KLHDC8A: variants seen among roughly 807,000 people sequenced by gnomAD.
KLHDC8A encodes kelch domain containing 8A.
A neutral mutation model predicts 33.1 loss-of-function variants in KLHDC8A; 21 were observed. The observed-to-expected ratio is 0.64, with a 90% CI of 0.45 to 0.91. KLHDC8A has a LOEUF of 0.91. Ranked by LOEUF, KLHDC8A falls within the 40% of genes least tolerant of loss-of-function variation. The pLI, the probability that KLHDC8A is intolerant of heterozygous loss-of-function variation, is 0.00. For synonymous variants in KLHDC8A, 173 were observed against 193.5 expected, an observed-to-expected ratio of 0.89 and a Z score of 0.88; for missense variants, 435 against 483.3, an observed-to-expected ratio of 0.90 and a Z score of 0.94.
intron 1 of KLHDC8A, among the ~76,000 whole-genome samples, chr1:205,351,913 C>G (rs1338208454): frequency 6.9e-6 from 1 of 144,138 alleles, no homozygotes; most frequent in African/African-American, 2.6e-5. Flanking sequence ...GGGCGAAACT[C>G]CGTCTCAAAA....
At chr1:205,340,734 CAA>C (rs1374394429) in intron 2 of KLHDC8A, among the ~76,000 whole-genome samples, 1 of 152,204 alleles carries the variant, frequency 6.6e-6, no homozygotes, top group African/African-American at 2.4e-5. Flanking sequence ...CTTGGCCTCC[CAA>C]AGTGTTGAGA....
intron 2 of KLHDC8A, among the ~76,000 whole-genome samples, chr1:205,342,870 G>A (rs575765464): frequency 3.9e-4 from 59 of 152,090 alleles, no homozygotes; most frequent in Non-Finnish European, 7.8e-4. Flanking sequence ...GAACATTCTG[G>A]TCTCCACTGA....
At position 205,339,201 on chromosome 1, in the gene KLHDC8A, C is replaced by A. The variant is rs764848075; in HGVS notation, c.750G>T (p.Met250Ile). Residue 250 changes from methionine (M) to isoleucine (I), a missense_variant, in exon 4 of 6, where the codon ATG (methionine) becomes ATT (isoleucine). Coordinates refer to ENST00000367155, the MANE Select transcript of KLHDC8A (RefSeq NM_018203.3). The surrounding 1 kb of genome is among the most constrained non-coding windows in gnomAD (Gnocchi z 5.1). ...GGAAGGTGACCAGCTCACCCTGTTC[C>A]ATGTCGAACACGTCCATCGTCCGCA... is the stretch of plus-strand genomic sequence containing the variant. The part of the protein sequence containing the change: ...KFLRTMDVFD[M>I]EQGGWLKMER... 6 of 1,613,850 alleles carry A rather than the reference C, an allele frequency of 3.7e-6. No individual in the cohort carries two copies. In the East Asian group the frequency reaches 1.3e-4, roughly 36 times the overall value.
intron 1 of KLHDC8A, chr1:205,351,565 A>G (rs1477620272): frequency 3.5e-6 from 2 of 576,566 alleles, no homozygotes; most frequent in Non-Finnish European, 6.3e-6. Context: ...GTACATTTTC[A>G]TATTAGACTT....
chr1:205,340,096 C>A (rs6593934), intron 2 of KLHDC8A, among the ~76,000 whole-genome samples: 8,430 of 152,072 alleles, frequency 0.055, 480 homozygotes, highest in African/African-American at 0.14. Context: ...TTCACTGCAA[C>A]CTTGACCTCC....
chr1:205,351,824 C>T (rs1663118875), intron 1 of KLHDC8A, among the ~76,000 whole-genome samples: 1 of 151,692 alleles, frequency 6.6e-6, no homozygotes, highest in South Asian at 2.1e-4. Context: ...GAGGCTGAGG[C>T]AGGAGAATCA....
chr1:205,350,504 A>G (rs750916729), intron 1 of KLHDC8A, among the ~76,000 whole-genome samples: 2 of 152,078 alleles, frequency 1.3e-5, no homozygotes, highest in Non-Finnish European at 2.9e-5. Flanking sequence ...CAAGTAGAGG[A>G]CAGCAGAGCC....
At chr1:205,341,059 C>T (rs1662775544) in intron 2 of KLHDC8A, among the ~76,000 whole-genome samples, 1 of 152,158 alleles carries the variant, frequency 6.6e-6, no homozygotes, top group Non-Finnish European at 1.5e-5. Context: ...CTTTAAGAAA[C>T]CCTGCCCAGG....
chr1:205,343,982 C>A (rs1450716662), intron 1 of KLHDC8A, among the ~76,000 whole-genome samples, 189 bp from the exon 2 acceptor site: 1 of 152,182 alleles, frequency 6.6e-6, no homozygotes, highest in Non-Finnish European at 1.5e-5. Context: ...TCGGACACTG[C>A]CGAAGCAAGC....
At chr1:205,350,560 A>AT (rs1558689698) in intron 1 of KLHDC8A, among the ~76,000 whole-genome samples, 1 of 152,116 alleles carries the variant, frequency 6.6e-6, no homozygotes, top group African/African-American at 2.4e-5. Flanking sequence ...TAGGCTGGGG[A>AT]AGGCTGCAGC....
intron 1 of KLHDC8A, among the ~76,000 whole-genome samples, chr1:205,345,300 G>C (rs1258972082): frequency 6.6e-6 from 1 of 152,178 alleles, no homozygotes; most frequent in Non-Finnish European, 1.5e-5. Flanking sequence ...TTAAACTAGA[G>C]TTTTAATTTT....
At position 205,339,395 on chromosome 1, in the gene KLHDC8A, T is replaced by G. The variant is rs1469719398; in HGVS notation, c.556A>C (p.Lys186Gln). 6.2e-7 allele frequency: 1 copy of G among 1,613,510 alleles called. No individual in the cohort carries two copies. Among genetic ancestry groups the G allele is most frequent in the African/African-American group, 1.3e-5 (1 of 74,938 alleles). ...ACCTCGAAAGCGTTGACCGCGTACTTGGACTGTCGTCCCCCTGGGGGCCAG... is the reference window on the plus strand; with the variant it reads ...ACCTCGAAAGCGTTGACCGCGTACTGGGACTGTCGTCCCCCTGGGGGCCAG... ...KIYVLGGRQS[K>Q]YAVNAFEVFD... The change falls in exon 4 of 6, where the codon AAG (lysine) becomes CAG (glutamine). Residue 186 changes from lysine (K) to glutamine (Q), a missense_variant. Transcript: ENST00000367155. The surrounding 1 kb of genome is among the most constrained non-coding windows in gnomAD (Gnocchi z 5.1).
intron 1 of KLHDC8A, among the ~76,000 whole-genome samples, chr1:205,347,185 C>G (rs988865237): frequency 1.3e-5 from 2 of 152,216 alleles, no homozygotes; most frequent in African/African-American, 2.4e-5. Flanking sequence ...GCAACTGCCA[C>G]TTAAGATTCC....
chr1:205,353,421 C>T (rs1271319340), intron 1 of KLHDC8A, among the ~76,000 whole-genome samples: 2 of 152,196 alleles, frequency 1.3e-5, no homozygotes, highest in African/African-American at 4.8e-5. Flanking sequence ...GCGCATGGCC[C>T]GCAAAGCATA....
chr1:205,349,556 C>A (rs1285391328), intron 1 of KLHDC8A, among the ~76,000 whole-genome samples: 1 of 152,214 alleles, frequency 6.6e-6, no homozygotes, highest in East Asian at 1.9e-4. Context: ...GGTTGGGAAG[C>A]CACACGCTCC....
chr1:205,343,481 T>C lies in KLHDC8A; in HGVS notation c.124A>G (p.Asn42Asp). The change falls in exon 2 of 6, where the codon AAC (asparagine) becomes GAC (aspartate). Residue 42 changes from asparagine to aspartate, a missense_variant. Coordinates refer to ENST00000367155, the MANE Select transcript of KLHDC8A (RefSeq NM_018203.3). ...TCGAAGCAGTCCATGGGGACGCCGTTGTCGTCACATCCCCCGATGGCATAG... is the reference window on the plus strand; with the variant it reads ...TCGAAGCAGTCCATGGGGACGCCGTCGTCGTCACATCCCCCGATGGCATAG... ...QVYAIGGCDDNGVPMDCFEVY... is the reference protein window; with the variant it reads ...QVYAIGGCDDDGVPMDCFEVY... 1.9e-6 allele frequency: 3 copies of C among 1,613,524 alleles called. No homozygotes were observed. The East Asian group carries it at 6.7e-5, about 36-fold the overall frequency.
At chr1:205,349,533 G>A (rs1663037030) in intron 1 of KLHDC8A, among the ~76,000 whole-genome samples, 1 of 152,228 alleles carries the variant, frequency 6.6e-6, no homozygotes, top group African/African-American at 2.4e-5. Flanking sequence ...GTTGCACAAT[G>A]TAGAGAAGGA....
intron 2 of KLHDC8A, among the ~76,000 whole-genome samples, chr1:205,341,403 G>A (rs1662785907): frequency 1.3e-5 from 2 of 151,612 alleles, no homozygotes; most frequent in Admixed American, 1.3e-4. Context: ...GGAAGACGGT[G>A]CCTGCTAATG....
chr1:205,337,445 T>C lies in KLHDC8A; in HGVS notation c.1007A>G (p.Gln336Arg). Residue 336 changes from glutamine to arginine, a missense_variant, in exon 6 of 6, where the codon CAG becomes CGG. Gln to Arg is a conservative substitution (Grantham distance 43, BLOSUM62 1). Coordinates refer to ENST00000367155, the MANE Select transcript of KLHDC8A (RefSeq NM_018203.3). ...GGCCTCCACTGCGTCACTCAGACCC[T>C]GGTTGACACCTCCCACGGCGAGGAG... ...NCLLAVGGVNQGLSDAVEALC... is the reference protein window; with the variant it reads ...NCLLAVGGVNRGLSDAVEALC... The C allele has an allele frequency of 6.2e-7, 1 of 1,613,950 alleles. No homozygotes were observed. Among genetic ancestry groups the C allele is most frequent in the South Asian group, 1.1e-5 (1 of 91,064 alleles).
Sources: allele counts gnomAD v4.1 joint callset (sites outside exome capture counted in the v4.1 genomes callset), GRCh38; gene constraint gnomAD v4.1.1; non-coding constraint Gnocchi (gnomAD v3.1); transcripts MANE v1.5; gene names NCBI Gene and HGNC (gene_info 2026-07-23, HGNC 2026-07-21).